B3GALT1: variants seen among roughly 807,000 people sequenced by gnomAD.
B3GALT1 encodes beta-1,3-galactosyltransferase 1.
Under a neutral mutation model 23.2 loss-of-function variants are expected in B3GALT1, and 10 were observed. That is an observed-to-expected ratio of 0.43 (90% CI 0.27 to 0.73). B3GALT1 has a LOEUF of 0.73. B3GALT1 is among the 30% of genes least tolerant of loss of function. The pLI is 0.21. For synonymous variants in B3GALT1, 156 were observed against 141.5 expected (o/e 1.10, Z -0.73); for missense variants, 299 against 405.4 (o/e 0.74, Z 2.25).
chr2:167,455,767 C>G (rs1456792357), intron 1 of B3GALT1, among the ~76,000 whole-genome samples: 3 of 152,142 alleles, frequency 2.0e-5, no homozygotes, highest in African/African-American at 2.4e-5. Context: ...CCTGCCTAAG[C>G]CTCCCATAGT....
chr2:167,515,602 A>G (rs1471398582), intron 2 of B3GALT1, among the ~76,000 whole-genome samples: 2 of 152,126 alleles, frequency 1.3e-5, no homozygotes, highest in African/African-American at 4.8e-5. Context: ...TACTGAGTAT[A>G]AAGCCACTTC....
chr2:167,355,726 G>C (rs1388591568), intron 1 of B3GALT1, among the ~76,000 whole-genome samples: 2 of 151,846 alleles, frequency 1.3e-5, no homozygotes, highest in Non-Finnish European at 2.9e-5. Context: ...AAAATCCATT[G>C]TGTTTTTTTT....
intron 2 of B3GALT1, among the ~76,000 whole-genome samples, chr2:167,507,039 GT>G (rs1699929775): frequency 6.6e-6 from 1 of 152,126 alleles, no homozygotes; most frequent in South Asian, 2.1e-4. Context: ...CATGATTATA[GT>G]GTGTTTTGTC....
chr2:167,678,758 T>A (rs1686473059), intron 3 of B3GALT1, among the ~76,000 whole-genome samples: 1 of 152,224 alleles, frequency 6.6e-6, no homozygotes, highest in African/African-American at 2.4e-5. Flanking sequence ...CAAATGGTAA[T>A]CAAAATTTAA....
intron 2 of B3GALT1, among the ~76,000 whole-genome samples, chr2:167,554,463 A>C (rs1683808144): frequency 6.6e-6 from 1 of 152,212 alleles, no homozygotes; most frequent in Non-Finnish European, 1.5e-5. Context: ...GGTAACACTA[A>C]GAATTGTTTC....
At chr2:167,326,982 G>A (rs976848661) in intron 1 of B3GALT1, among the ~76,000 whole-genome samples, 2 of 152,100 alleles carry the variant, frequency 1.3e-5, no homozygotes, top group East Asian at 1.9e-4. Flanking sequence ...GAGCCAGGAT[G>A]CCTGGCCGCA....
At chr2:167,789,055 A>G (rs1461660224) in intron 3 of B3GALT1, among the ~76,000 whole-genome samples, 1 of 152,046 alleles carries the variant, frequency 6.6e-6, no homozygotes, top group Admixed American at 6.5e-5. Flanking sequence ...AGCTCCCTCG[A>G]TTTCTTTCAA....
chr2:167,719,206 A>C (rs976022858), intron 3 of B3GALT1, among the ~76,000 whole-genome samples: 1 of 151,998 alleles, frequency 6.6e-6, no homozygotes, highest in Admixed American at 6.6e-5. Flanking sequence ...CATGACTATA[A>C]TTTTCTTTGA....
At chr2:167,456,690 C>G (rs979867269) in intron 1 of B3GALT1, among the ~76,000 whole-genome samples, 1 of 152,066 alleles carries the variant, frequency 6.6e-6, no homozygotes, top group African/African-American at 2.4e-5. Flanking sequence ...AGGCACTTTA[C>G]TTATGATTAC....
chr2:167,623,773 A>G (rs144910075), intron 2 of B3GALT1, among the ~76,000 whole-genome samples: 2 of 152,182 alleles, frequency 1.3e-5, no homozygotes, highest in African/African-American at 2.4e-5. Context: ...AAGAAAACAC[A>G]TAGTCATTTC....
At chr2:167,600,790 A>T (rs1472463726) in intron 2 of B3GALT1, among the ~76,000 whole-genome samples, 1 of 152,194 alleles carries the variant, frequency 6.6e-6, no homozygotes, top group Non-Finnish European at 1.5e-5. Flanking sequence ...TTGTTGGTTC[A>T]TTCATTAGTT....
chr2:167,809,776 C>T (rs1488533161), intron 3 of B3GALT1, among the ~76,000 whole-genome samples: 3 of 152,214 alleles, frequency 2.0e-5, no homozygotes, highest in Admixed American at 6.5e-5. Flanking sequence ...AGATGTCCAG[C>T]TGCCTGCTGG....
intron 1 of B3GALT1, among the ~76,000 whole-genome samples, chr2:167,346,734 T>TTG (rs373270625): frequency 0.039 from 1,401 of 35,780 alleles, 32 homozygotes; most frequent in East Asian, 0.12. Flanking sequence ...TCTGAGTTGT[T>TTG]TGTGTGTGTG....
At position 167,648,308 on chromosome 2, in the gene B3GALT1, G is replaced by A. The variant is rs544507631; in HGVS notation, c.-352+1342G>A. ...CTGCACACAGGCATTTAAGAACTTC[G>A]TTGATCTAGTCCCAAGATTCATATC... On this transcript the variant is annotated intron_variant, in intron 3 of 4. Coordinates refer to ENST00000392690, the MANE Select transcript of B3GALT1 (RefSeq NM_020981.4). Among the ~76,000 whole-genome samples, 164 of 152,108 alleles carry A rather than the reference G, an allele frequency of 1.1e-3. 3 individuals carry two copies. The South Asian group carries it at 0.028, about 26-fold the overall frequency.
At chr2:167,624,350 G>C (rs1234514030) in intron 2 of B3GALT1, among the ~76,000 whole-genome samples, 1 of 152,050 alleles carries the variant, frequency 6.6e-6, no homozygotes, top group Non-Finnish European at 1.5e-5. Context: ...CTTCCTTACA[G>C]TTTTCCAAAG....
intron 3 of B3GALT1, chr2:167,715,037 A>T: frequency 6.2e-7 from 1 of 1,611,702 alleles, no homozygotes; most frequent in Non-Finnish European, 8.5e-7. Context: ...TGTTTTGTCC[A>T]CTTCAGATAA....
chr2:167,711,088 C>T (rs1261854870), intron 3 of B3GALT1, among the ~76,000 whole-genome samples: 1 of 152,076 alleles, frequency 6.6e-6, no homozygotes, highest in Non-Finnish European at 1.5e-5. Flanking sequence ...GGCCTATGCT[C>T]CAGCTACTCT....
intron 4 of B3GALT1, among the ~76,000 whole-genome samples, chr2:167,822,871 C>G (rs1319216017): frequency 6.6e-6 from 1 of 152,200 alleles, no homozygotes; most frequent in Non-Finnish European, 1.5e-5. Context: ...ACTATGAGGA[C>G]AAGGGTGGGA....
chr2:167,823,130 C>A (rs80331522), intron 4 of B3GALT1, among the ~76,000 whole-genome samples: 1,658 of 147,308 alleles, frequency 0.011, 29 homozygotes, highest in African/African-American at 0.038. Flanking sequence ...CAGGTGGGGG[C>A]CCCATGGGGT....
Sources: allele counts gnomAD v4.1 joint callset (sites outside exome capture counted in the v4.1 genomes callset), GRCh38; gene constraint gnomAD v4.1.1; transcripts MANE v1.5; gene names NCBI Gene and HGNC (gene_info 2026-07-23, HGNC 2026-07-21).